XYLT1: variants seen among roughly 807,000 people sequenced by gnomAD.
XYLT1 encodes the protein xylosyltransferase 1.
XYLT1 carries 36 observed loss-of-function variants against 91.3 expected under a neutral mutation model. That is an observed-to-expected ratio of 0.39 (90% CI 0.30 to 0.52). The LOEUF (loss-of-function observed/expected upper bound fraction) is 0.52, where lower values mean the gene tolerates loss of function less well. Among genes scored for constraint, XYLT1 ranks in the 20% least tolerant of loss-of-function variants. The pLI is 0.68. For missense variants in XYLT1, 1,242 were observed against 1,284.5 expected (o/e 0.97, Z 0.51); for synonymous variants, 588 against 532.0 (o/e 1.11, Z -1.45).
Position 17,259,331 on chromosome 16 carries a change from C to G in XYLT1, c.570G>C (p.Lys190Asn). 6.2e-7 allele frequency: 1 copy of G among 1,614,166 alleles called. No individual in the cohort carries two copies. Among genetic ancestry groups the G allele is most frequent in the Non-Finnish European group, 8.5e-7 (1 of 1,180,024 alleles). Residue 190 changes from lysine to asparagine, a missense_variant, in exon 3 of 12, where the codon AAG becomes AAC. Around this residue, in one of 3 missense-constraint regions of XYLT1, gnomAD observed 437 missense variants for 411.5 expected, o/e 1.06. Coordinates refer to ENST00000261381, the MANE Select transcript of XYLT1 (RefSeq NM_022166.4). ...GTTCCAGCTTCCTTTTCAAAAGCTC[C>G]TTCTGTCTACTCGGTGGCTTCTTCG... ...ELAKKPPSRQ[K>N]ELLKRKLEQQ...
chr16:17,335,449 G>A (rs897227186), intron 2 of XYLT1, among the ~76,000 whole-genome samples: 2 of 151,944 alleles, frequency 1.3e-5, no homozygotes, highest in Non-Finnish European at 2.9e-5. Flanking sequence ...CCAGCACTTC[G>A]GGAGGCCAAG....
intron 1 of XYLT1, among the ~76,000 whole-genome samples, chr16:17,397,892 G>A (rs574005329): frequency 2.0e-5 from 3 of 146,862 alleles, no homozygotes; most frequent in South Asian, 2.2e-4. Context: ...GTGCGATCTC[G>A]GCTCACTGCA....
chr16:17,387,749 G>A (rs193157263), intron 1 of XYLT1, among the ~76,000 whole-genome samples: 2 of 152,190 alleles, frequency 1.3e-5, no homozygotes, highest in Non-Finnish European at 2.9e-5. Flanking sequence ...CCTCAGAGCA[G>A]CTCCAGTCTT....
chr16:17,323,885 ATAC>A, intron 2 of XYLT1, among the ~76,000 whole-genome samples: 1 of 152,238 alleles, frequency 6.6e-6, no homozygotes, highest in Admixed American at 6.5e-5. Flanking sequence ...AGCGCAGATA[ATAC>A]TAAAAGCATC....
chr16:17,226,036 G>T (rs1227780796), intron 3 of XYLT1, among the ~76,000 whole-genome samples: 3 of 148,072 alleles, frequency 2.0e-5, no homozygotes, highest in Non-Finnish European at 4.4e-5. Context: ...TAGTGGGTTT[G>T]AAGGGGACCC....
At chr16:17,451,745 A>G (rs966894705) in intron 1 of XYLT1, among the ~76,000 whole-genome samples, 9 of 151,690 alleles carry the variant, frequency 5.9e-5, no homozygotes. Context: ...GAGATAGAAG[A>G]CTCTTGCCCA....
intron 3 of XYLT1, among the ~76,000 whole-genome samples, chr16:17,221,192 T>C (rs559536495): frequency 6.6e-6 from 1 of 152,302 alleles, no homozygotes; most frequent in South Asian, 2.1e-4. Context: ...CCATGTCCTA[T>C]AGTCAATAAA....
chr16:17,352,775 C>A (rs1249383541), intron 2 of XYLT1, among the ~76,000 whole-genome samples: 3 of 152,160 alleles, frequency 2.0e-5, no homozygotes, highest in South Asian at 2.1e-4. Context: ...GTTACGGATG[C>A]ATTTATTAAT....
chr16:17,366,867 A>G (rs988208572), intron 1 of XYLT1, among the ~76,000 whole-genome samples: 1 of 152,190 alleles, frequency 6.6e-6, no homozygotes, highest in Non-Finnish European at 1.5e-5. Context: ...CTTTTGGACC[A>G]CTAAGCTACC....
At chr16:17,400,761 G>A (rs548366746) in intron 1 of XYLT1, among the ~76,000 whole-genome samples, 4 of 152,224 alleles carry the variant, frequency 2.6e-5, no homozygotes, top group South Asian at 2.1e-4. Flanking sequence ...TGAAAGCCAC[G>A]AGTGAAAGAA....
rs1331916909 is a variant in XYLT1, at chr16:17,102,762, A to C, written c.*5933T>G. Reference sequence around the variant, plus strand: ...ATTCTTTTTTTAAAACTTTATTTACAGATTTTTTTTAAAATCAACACATTA... The same window carrying C: ...ATTCTTTTTTTAAAACTTTATTTACCGATTTTTTTTAAAATCAACACATTA... On this transcript the variant is annotated 3_prime_UTR_variant, in exon 12 of 12. Coordinates refer to ENST00000261381, the MANE Select transcript of XYLT1 (RefSeq NM_022166.4). 1.1e-5 allele frequency: 1 copy of C among 87,780 alleles called. No homozygotes were observed. The highest frequency in any genetic ancestry group is 2.0e-5 in the Non-Finnish European group (1 of 50,706). The allele number at this position is 87,780 out of a possible 1,614,324, so 5.4% of individuals were successfully genotyped here.
chr16:17,188,344 C>T (rs1049909768), intron 5 of XYLT1, among the ~76,000 whole-genome samples: 2 of 152,212 alleles, frequency 1.3e-5, no homozygotes, highest in African/African-American at 4.8e-5. Flanking sequence ...AGTGACCCAA[C>T]AGGACATCTC....
At chr16:17,335,518 A>G (rs1045241834) in intron 2 of XYLT1, among the ~76,000 whole-genome samples, 10 of 151,510 alleles carry the variant, frequency 6.6e-5, no homozygotes, top group Admixed American at 2.6e-4. Context: ...TGGAGAAACC[A>G]TATCTCTACT....
chr16:17,241,659 G>A (rs1287806042), intron 3 of XYLT1, among the ~76,000 whole-genome samples: 3 of 152,240 alleles, frequency 2.0e-5, no homozygotes, highest in Non-Finnish European at 2.9e-5. Flanking sequence ...CGTTGGAACT[G>A]ATGGGGCACC....
chr16:17,172,430 G>A (rs936213025), intron 5 of XYLT1, among the ~76,000 whole-genome samples: 1 of 150,322 alleles, frequency 6.7e-6, no homozygotes, highest in African/African-American at 2.4e-5. Flanking sequence ...AGCATTTGCT[G>A]AGCATCTTCC....
chr16:17,110,784 C>T lies in XYLT1; in HGVS notation c.2558-1767G>A, dbSNP rs561371472. Among the ~76,000 whole-genome samples the T allele has an allele frequency of 1.2e-3, 180 of 152,242 alleles. 1 individual carries two copies. The highest frequency in any genetic ancestry group is 3.4e-3 in the Middle Eastern group (1 of 294). ...GGGTTAAATCCAGGACCGACTGACT[C>T]CAAAGGCAGTGCTTATCACTCACCC... is the stretch of plus-strand genomic sequence containing the variant. On this transcript the variant is annotated intron_variant, in intron 11 of 11. Transcript: ENST00000261381.
chr16:17,351,749 T>TGGG (rs67167449), intron 2 of XYLT1, among the ~76,000 whole-genome samples: 17,492 of 133,492 alleles, frequency 0.13, 1,738 homozygotes, highest in African/African-American at 0.21. Flanking sequence ...GCTTTTTTTT[T>TGGG]GGGGGGGGGT....
chr16:17,252,399 G>T (rs2141750131), intron 3 of XYLT1, among the ~76,000 whole-genome samples: 1 of 152,182 alleles, frequency 6.6e-6, no homozygotes, highest in South Asian at 2.1e-4. Flanking sequence ...AACACTAGGG[G>T]TTCCAGTTGA....
At chr16:17,400,785 T>A (rs1298665371) in intron 1 of XYLT1, among the ~76,000 whole-genome samples, 2 of 151,674 alleles carry the variant, frequency 1.3e-5, no homozygotes, top group African/African-American at 2.4e-5. Context: ...AGGTGTGGAG[T>A]TAGAGCGAGG....
Sources: gnomAD v4.1 joint callset for allele counts (sites outside exome capture counted in the v4.1 genomes callset) on GRCh38, gnomAD v4.1.1 for gene constraint, gnomAD v4.1.1 regional missense constraint, MANE v1.5 for transcripts, NCBI Gene and HGNC (gene_info 2026-07-23, HGNC 2026-07-21) for gene names.